The following GPHN variants were observed in gnomAD, a reference collection of about 807,000 sequenced individuals.
GPHN encodes gephyrin.
GPHN carries 17 observed loss-of-function variants against 95.5 expected under a neutral mutation model. The ratio of observed to expected loss-of-function variants is 0.18; its 90% CI spans 0.12 to 0.27. GPHN has a LOEUF of 0.27. Ranked by LOEUF, GPHN falls within the 10% of genes least tolerant of loss-of-function variation. The probability of loss-of-function intolerance (pLI) is 1.00; values close to 1 mark genes in which losing one functional copy is unlikely to be tolerated. For synonymous variants in GPHN, 320 were observed against 322.5 expected (o/e 0.99, Z 0.08); for missense variants, 660 against 978.1 (o/e 0.67, Z 4.34).
At chr14:67,696,061 T>G in the GPHN span, among the ~76,000 whole-genome samples, 1 of 152,046 alleles carries the variant, frequency 6.6e-6, no homozygotes, top group Non-Finnish European at 1.5e-5. Context: ...TTTTTTTCAC[T>G]ACAAGATCCT....
the GPHN span, among the ~76,000 whole-genome samples, chr14:67,437,697 G>A: frequency 6.6e-6 from 1 of 152,062 alleles, no homozygotes; most frequent in Non-Finnish European, 1.5e-5. Flanking sequence ...GTATTTGGGA[G>A]GTTGTACCTA....
chr14:66,523,078 G>A (rs757126532), intron 1 of GPHN, among the ~76,000 whole-genome samples: 3 of 151,970 alleles, frequency 2.0e-5, no homozygotes, highest in Non-Finnish European at 4.4e-5. Context: ...TTCCATCATT[G>A]CTGAAATCTA....
In GPHN at chr14:67,016,540, T is replaced by C. The variant is rs1161074524; in HGVS notation, c.964-7093T>C. 2.0e-5 allele frequency among the ~76,000 whole-genome samples: 3 copies of C among 152,212 alleles called. No homozygotes were observed. In the East Asian group the frequency reaches 5.8e-4, roughly 29 times the overall value. Reference sequence around the variant, plus strand: ...GATTTTTAAATATAAAGATTGTAATTTCATTTCTCTGTCCCAGTGAATGGA... The same window carrying C: ...GATTTTTAAATATAAAGATTGTAATCTCATTTCTCTGTCCCAGTGAATGGA... On this transcript the variant is annotated intron_variant, in intron 9 of 22. Transcript: ENST00000478722.
intron 9 of GPHN, among the ~76,000 whole-genome samples, chr14:67,010,708 A>C (rs1478333331): frequency 6.6e-6 from 1 of 152,184 alleles, no homozygotes; most frequent in Non-Finnish European, 1.5e-5. Flanking sequence ...GAAAGCTCTA[A>C]TGGATGAGTT....
chr14:67,143,910 T>G (rs537889957), intron 18 of GPHN, among the ~76,000 whole-genome samples: 1 of 151,926 alleles, frequency 6.6e-6, no homozygotes, highest in East Asian at 2.0e-4. Context: ...AGGCATTCCT[T>G]TTGCTCCTCC....
the GPHN span, among the ~76,000 whole-genome samples, chr14:67,341,009 G>A: frequency 6.6e-6 from 1 of 152,200 alleles, no homozygotes; most frequent in South Asian, 2.1e-4. Flanking sequence ...GCAGTGGCGT[G>A]ATCTCGGCTC....
intron 4 of GPHN, among the ~76,000 whole-genome samples, chr14:66,833,404 A>G (rs1007949878): frequency 2.6e-5 from 4 of 152,096 alleles, no homozygotes; most frequent in African/African-American, 7.2e-5. Flanking sequence ...AGTCCCTCCC[A>G]TTACACATAG....
At chr14:66,517,126 CAAAAAAAAAAA>C (rs1171024713) in intron 1 of GPHN, among the ~76,000 whole-genome samples, 3 of 31,012 alleles carry the variant, frequency 9.7e-5, no homozygotes, top group South Asian at 2.4e-3. Flanking sequence ...GACTCCATCT[CAAAAAAAAAAA>C]AAAAAAAAAA....
At chr14:66,821,811 C>T (rs2061203873) in intron 3 of GPHN, among the ~76,000 whole-genome samples, 1 of 152,120 alleles carries the variant, frequency 6.6e-6, no homozygotes, top group South Asian at 2.1e-4. Flanking sequence ...ATATTACCTC[C>T]CAAATGCTTG....
intron 3 of GPHN, among the ~76,000 whole-genome samples, chr14:66,807,810 G>T (rs933788923): frequency 6.6e-6 from 1 of 152,128 alleles, no homozygotes; most frequent in Non-Finnish European, 1.5e-5. Flanking sequence ...CAGTTTCAGG[G>T]TATTATCAAT....
At chr14:67,219,049 A>T in the GPHN span, among the ~76,000 whole-genome samples, 10 of 151,524 alleles carry the variant, frequency 6.6e-5, no homozygotes, top group African/African-American at 2.4e-4. Context: ...AGAGCAGGTT[A>T]CTCTCCAGAG....
At chr14:66,789,420 A>G (rs987814119) in intron 3 of GPHN, among the ~76,000 whole-genome samples, 1 of 152,244 alleles carries the variant, frequency 6.6e-6, no homozygotes, top group Admixed American at 6.5e-5. Context: ...CTATGTAAAC[A>G]TCATACACAC....
At chr14:67,572,191 T>C in the GPHN span, 1 of 1,608,762 alleles carries the variant, frequency 6.2e-7, no homozygotes, top group South Asian at 1.1e-5. Flanking sequence ...CCCGGACGCC[T>C]GCTCACTGGA....
the GPHN span, among the ~76,000 whole-genome samples, chr14:67,714,322 T>A: frequency 1.3e-5 from 2 of 152,024 alleles, no homozygotes; most frequent in African/African-American, 4.8e-5. Context: ...ATTTTTTTAG[T>A]AGAGCTGAGA....
At chr14:67,235,936 T>C in the GPHN span, among the ~76,000 whole-genome samples, 1 of 152,088 alleles carries the variant, frequency 6.6e-6, no homozygotes, top group African/African-American at 2.4e-5. Context: ...GAAAAAGTTT[T>C]ATGTGTGTCT....
chr14:66,574,594 A>G (rs1170033963), intron 1 of GPHN, among the ~76,000 whole-genome samples: 1 of 152,214 alleles, frequency 6.6e-6, no homozygotes, highest in Admixed American at 6.5e-5. Context: ...GGATAATTTT[A>G]GGTGTCTTAT....
the GPHN span, among the ~76,000 whole-genome samples, chr14:67,229,682 G>A: frequency 6.6e-6 from 1 of 151,912 alleles, no homozygotes; most frequent in Non-Finnish European, 1.5e-5. Flanking sequence ...TATTTAATGT[G>A]TATTATATTG....
At chr14:67,257,087 A>G in the GPHN span, among the ~76,000 whole-genome samples, 1 of 152,110 alleles carries the variant, frequency 6.6e-6, no homozygotes, top group African/African-American at 2.4e-5. Context: ...AGACGGAACA[A>G]CTTGAGGCGG....
intron 9 of GPHN, among the ~76,000 whole-genome samples, chr14:67,021,410 C>G (rs182879187): frequency 6.6e-6 from 1 of 152,216 alleles, no homozygotes; most frequent in African/African-American, 2.4e-5. Flanking sequence ...TTTCATCATC[C>G]AAATTTCTCC....
Sources: allele counts gnomAD v4.1 joint callset (sites outside exome capture counted in the v4.1 genomes callset), GRCh38; gene constraint gnomAD v4.1.1; transcripts MANE v1.5; gene names NCBI Gene and HGNC (gene_info 2026-07-23, HGNC 2026-07-21).